Variants in NOP14 observed in about 807,000 individuals in gnomAD.
NOP14 encodes NOP14 nucleolar protein.
Under a neutral mutation model 101.6 loss-of-function variants are expected in NOP14, and 57 were observed. The observed-to-expected ratio is 0.56, with a 90% CI of 0.45 to 0.70. NOP14 has a LOEUF of 0.70. Among genes scored for constraint, NOP14 ranks in the 30% least tolerant of loss-of-function variants. The pLI, the probability that NOP14 is intolerant of heterozygous loss-of-function variation, is 0.00. For missense variants in NOP14, 1,134 were observed against 1,075.5 expected, an observed-to-expected ratio of 1.05 and a Z score of -0.76; for synonymous variants, 428 against 424.0, an observed-to-expected ratio of 1.01 and a Z score of -0.12.
Position 2,952,368 on chromosome 4 carries a change from C to T in NOP14, c.777G>A (p.Glu259=). 1.2e-6 allele frequency: 2 copies of T among 1,613,072 alleles called. No homozygotes were observed. The highest frequency in any genetic ancestry group is 4.5e-5 in the East Asian group (2 of 44,832). Residue 259 remains glutamate, a synonymous_variant, in exon 6 of 18, where the codon GAG becomes GAA. Transcript: ENST00000416614. ...KPDAYDMMVR[E]LGFEMKAQPS... ...GCTGCGCCTTCATTTCAAAGCCAAG[C>T]TCGCGAACCATCATGTCATATGCAT...
intron 1 of NOP14, among the ~76,000 whole-genome samples, chr4:2,959,780 A>C (rs1417989729): frequency 1.3e-5 from 2 of 152,210 alleles, no homozygotes; most frequent in African/African-American, 4.8e-5. Flanking sequence ...AACCACACAC[A>C]GTACTGAATC....
In NOP14 at chr4:2,939,643, C is replaced by G; in HGVS notation, c.2202G>C (p.Glu734Asp). The G allele has an allele frequency of 6.2e-7, 1 of 1,612,472 alleles. No homozygotes were observed. The highest frequency in any genetic ancestry group is 8.5e-7 in the Non-Finnish European group (1 of 1,178,836). Reference protein sequence around the residue: ...ADCSHPQELQELCQSTLTEME... With the variant: ...ADCSHPQELQDLCQSTLTEME... ...TTTCGGTCAGTGTGCTCTGACACAG[C>G]TCCTGAAAAACACGAAATCCCCGAC... The change falls in exon 16 of 18, where the codon GAG becomes GAC. Residue 734 changes from glutamate (E) to aspartate (D), a missense_variant and splice_region_variant. Transcript: ENST00000416614.
In NOP14 at chr4:2,951,248, G is replaced by A; in HGVS notation, c.871-3C>T. The stretch of plus-strand genomic sequence containing the variant: ...AGCATTCTTCGAAGTCTCTCAGCCT[G>A]AGCAGGAAGGAATGAGATGTCTTAG... On this transcript the variant is annotated splice_polypyrimidine_tract_variant and splice_region_variant and intron_variant, in intron 6 of 17. Transcript: ENST00000416614. 6.2e-7 allele frequency: 1 copy of A among 1,613,238 alleles called. No individual in the cohort carries two copies. The highest frequency in any genetic ancestry group is 8.5e-7 in the Non-Finnish European group (1 of 1,179,636).
At chr4:2,952,942 A>G (rs564335876) in intron 5 of NOP14, among the ~76,000 whole-genome samples, 20 of 152,242 alleles carry the variant, frequency 1.3e-4, no homozygotes, top group Non-Finnish European at 2.2e-4. Context: ...CTCCGTCTCA[A>G]ACAACAACAA....
At chr4:2,939,884 C>T (rs1240492521) in intron 15 of NOP14, among the ~76,000 whole-genome samples, 3 of 152,204 alleles carry the variant, frequency 2.0e-5, no homozygotes, top group Admixed American at 6.5e-5. Context: ...GAGGGAGGGC[C>T]GTGGGCTGGC....
At position 2,950,216 on chromosome 4, in the gene NOP14, A is replaced by G. The variant is rs1163851745; in HGVS notation, c.1003-3T>C. 1 of 1,612,712 alleles carries G rather than the reference A, an allele frequency of 6.2e-7. No homozygotes were observed. Among genetic ancestry groups the G allele is most frequent in the East Asian group, 2.2e-5 (1 of 44,862 alleles). On this transcript the variant is annotated splice_polypyrimidine_tract_variant and splice_region_variant and intron_variant, in intron 7 of 17. Transcript: ENST00000416614. ...TCCTCGACATTCATCTTTCCATCCT[A>G]CCAAGAGCGTGGAAACCACAGGGCA... is the stretch of plus-strand genomic sequence containing the variant.
intron 17 of NOP14, 59 bp downstream of exon 17, chr4:2,939,129 C>A: frequency 6.2e-7 from 1 of 1,604,748 alleles, no homozygotes; most frequent in East Asian, 2.2e-5. Context: ...TGCCCAGGGC[C>A]ACACAGCACC....
At chr4:2,946,661 G>A (rs1197698948) in intron 10 of NOP14, 114 bp from the exon 11 acceptor site, 13 of 867,736 alleles carry the variant, frequency 1.5e-5, no homozygotes, top group Non-Finnish European at 2.2e-5. Flanking sequence ...GTAAGAACTG[G>A]ATGAATCCGC....
chr4:2,957,814 A>C, intron 1 of NOP14, 74 bp from the exon 2 acceptor site: 2 of 1,513,722 alleles, frequency 1.3e-6, no homozygotes, highest in Non-Finnish European at 1.8e-6. Context: ...AGAACAGTGC[A>C]TACTTTAAAG....
intron 15 of NOP14, 141 bp downstream of exon 15, chr4:2,941,441 C>T (rs1714177161): frequency 4.2e-6 from 3 of 721,700 alleles, no homozygotes; most frequent in Non-Finnish European, 6.9e-6. Context: ...TATGATTTTA[C>T]TTCCCTTCAT....
At chr4:2,950,329 C>G in intron 7 of NOP14, 116 bp from the exon 8 acceptor site, 1 of 1,124,314 alleles carries the variant, frequency 8.9e-7, no homozygotes, top group Non-Finnish European at 1.3e-6. Context: ...TTGCAAGGAA[C>G]ACAAACCTGT....
chr4:2,961,260 A>AAGTTAGTATATTAAT (rs1715870760), intron 1 of NOP14: 1 of 145,158 alleles, frequency 6.9e-6, no homozygotes, highest in East Asian at 1.9e-4. Context: ...CTATATTAAT[A>AAGTTAGTATATTAAT]ATATAGTTAG....
rs779822096 is a variant in NOP14 at position 2,939,281 on chromosome 4, T to G, written c.2381A>C (p.His794Pro). 6.2e-7 allele frequency: 1 copy of G among 1,614,048 alleles called. No individual in the cohort carries two copies. Among genetic ancestry groups the G allele is most frequent in the Admixed American group, 1.7e-5 (1 of 60,028 alleles). ...KEEQERKRLI[H>P]KHKREFKGAV... Reference sequence around the variant, plus strand: ...CCCTTTAAATTCACGCTTGTGTTTGTGGATCAGCCTCTTCCTTTCCTGTTC... The same window carrying G: ...CCCTTTAAATTCACGCTTGTGTTTGGGGATCAGCCTCTTCCTTTCCTGTTC... Residue 794 changes from histidine (H) to proline (P), a missense_variant, in exon 17 of 18, where the codon CAC becomes CCC. His to Pro is a moderately conservative substitution (Grantham distance 77, BLOSUM62 -2). Coordinates refer to ENST00000416614, the MANE Select transcript of NOP14 (RefSeq NM_001291978.2).
intron 5 of NOP14, among the ~76,000 whole-genome samples, 181 bp from the exon 6 acceptor site, chr4:2,952,578 G>A (rs751619211): frequency 6.6e-6 from 1 of 152,180 alleles, no homozygotes; most frequent in African/African-American, 2.4e-5. Context: ...CCTGAGGATT[G>A]CGAAATCAGT....
chr4:2,960,749 T>TTATAATCACATCAATATTAATATATTAA (rs1715713345), intron 1 of NOP14, among the ~76,000 whole-genome samples: 1 of 82,482 alleles, frequency 1.2e-5, no homozygotes, highest in Non-Finnish European at 2.9e-5. Context: ...TATATTAATA[T>TTATAATCACATCAATATTAATATATTAA]TATAATCACA....
intron 13 of NOP14, among the ~76,000 whole-genome samples, chr4:2,942,828 G>A (rs961057428): frequency 8.1e-6 from 1 of 123,036 alleles, no homozygotes; most frequent in Non-Finnish European, 1.7e-5. Flanking sequence ...GCAGACGTCA[G>A]CAAAGGCCTG....
Position 2,950,000 on chromosome 4 carries a change from C to G in NOP14, c.1216G>C (p.Gly406Arg), listed in dbSNP as rs1440804343. 1.2e-6 allele frequency: 2 copies of G among 1,614,172 alleles called. No homozygotes were observed. The highest frequency in any genetic ancestry group is 1.7e-6 in the Non-Finnish European group (2 of 1,180,036). ...AKEQRQTPGK[G>R]LISGKERAGK... is the part of the protein sequence containing the mutation. ...GCTCTTTCCTTGCCGCTTATCAACC[C>G]TTTCCCAGGAGTCTGCCTCTGCTCT... Residue 406 changes from glycine to arginine, a missense_variant, in exon 8 of 18, where the codon GGG becomes CGG. By Grantham distance (125) the Gly-to-Arg change is moderately radical. Coordinates refer to ENST00000416614, the MANE Select transcript of NOP14 (RefSeq NM_001291978.2).
chr4:2,950,010 A>C lies in NOP14; in HGVS notation c.1206T>G (p.Thr402=). 3.1e-6 allele frequency: 5 copies of C among 1,614,104 alleles called. No individual in the cohort carries two copies. Among genetic ancestry groups the C allele is most frequent in the Non-Finnish European group, 4.2e-6 (5 of 1,180,024 alleles). The change falls in exon 8 of 18, where the codon ACT becomes ACG. Residue 402 remains threonine, a synonymous_variant. Transcript: ENST00000416614. ...TGCCGCTTATCAACCCTTTCCCAGGAGTCTGCCTCTGCTCTTTTGCTGGCT... is the reference window on the plus strand; with the variant it reads ...TGCCGCTTATCAACCCTTTCCCAGGCGTCTGCCTCTGCTCTTTTGCTGGCT... ...NEKPAKEQRQ[T]PGKGLISGKE...
chr4:2,956,897 C>A, intron 2 of NOP14, 86 bp from the exon 3 acceptor site: 1 of 1,174,952 alleles, frequency 8.5e-7, no homozygotes, highest in Non-Finnish European at 1.2e-6. Context: ...TATATATTTC[C>A]ATTATATTTG....
Sources: allele counts gnomAD v4.1 joint callset (sites outside exome capture counted in the v4.1 genomes callset), GRCh38; gene constraint gnomAD v4.1.1; transcripts MANE v1.5; gene names NCBI Gene and HGNC (gene_info 2026-07-23, HGNC 2026-07-21).